CAP2: variants seen among roughly 807,000 people sequenced by gnomAD.
CAP2 encodes adenylyl cyclase-associated protein 2.
A neutral mutation model predicts 57.7 loss-of-function variants in CAP2; 24 were observed. The observed-to-expected ratio is 0.42, with a 90% CI of 0.30 to 0.58. The LOEUF (loss-of-function observed/expected upper bound fraction) is 0.58, where lower values mean the gene tolerates loss of function less well. Among genes scored for constraint, CAP2 ranks in the 20% least tolerant of loss-of-function variants. The probability of loss-of-function intolerance (pLI) is 0.22; values close to 1 mark genes in which losing one functional copy is unlikely to be tolerated. For missense variants in CAP2, 501 were observed against 590.3 expected (o/e 0.85, Z 1.57); for synonymous variants, 194 against 207.2 (o/e 0.94, Z 0.55).
chr6:17,451,653 G>A (rs1333140519), intron 3 of CAP2, among the ~76,000 whole-genome samples: 1 of 152,048 alleles, frequency 6.6e-6, no homozygotes, highest in African/African-American at 2.4e-5. Flanking sequence ...GGGATTACAG[G>A]AACCCGCCAC....
At chr6:17,466,009 G>A (rs935256917) in intron 4 of CAP2, among the ~76,000 whole-genome samples, 22 of 152,108 alleles carry the variant, frequency 1.4e-4, no homozygotes, top group South Asian at 2.1e-4. Context: ...TGGATCTGCC[G>A]TACAAGATCA....
intron 11 of CAP2, among the ~76,000 whole-genome samples, chr6:17,546,196 C>G (rs1029387106): frequency 1.3e-5 from 2 of 152,308 alleles, no homozygotes; most frequent in East Asian, 3.9e-4. Flanking sequence ...ACATCCTCTC[C>G]AGCACCTGTT....
chr6:17,458,043 G>T (rs998206441), intron 3 of CAP2, among the ~76,000 whole-genome samples: 1 of 152,164 alleles, frequency 6.6e-6, no homozygotes, highest in Admixed American at 6.5e-5. Context: ...GCTGTGCAAA[G>T]TTGTATTTTG....
chr6:17,400,151 G>A (rs185578764), intron 1 of CAP2, among the ~76,000 whole-genome samples: 159 of 152,132 alleles, frequency 1.0e-3, no homozygotes, highest in African/African-American at 3.6e-3. Context: ...GCTTGAACCC[G>A]GGAGGCGGAG....
chr6:17,544,625 A>T (rs1196969401), intron 11 of CAP2, among the ~76,000 whole-genome samples: 1 of 151,820 alleles, frequency 6.6e-6, no homozygotes, highest in East Asian at 1.9e-4. Flanking sequence ...ATCTCGGCAC[A>T]CTACAACCTG....
intron 3 of CAP2, among the ~76,000 whole-genome samples, chr6:17,458,561 G>A (rs1366628090): frequency 6.6e-6 from 1 of 152,124 alleles, no homozygotes; most frequent in Admixed American, 6.5e-5. Context: ...ACGTTAATAC[G>A]AAGTGGTTTG....
chr6:17,465,229 G>C (rs1301737101), intron 4 of CAP2, among the ~76,000 whole-genome samples: 2 of 151,958 alleles, frequency 1.3e-5, no homozygotes, highest in Non-Finnish European at 2.9e-5. Context: ...CTCTTGCTCT[G>C]TCACCAAGGC....
At chr6:17,402,284 T>G (rs550310648) in intron 1 of CAP2, among the ~76,000 whole-genome samples, 1 of 152,356 alleles carries the variant, frequency 6.6e-6, no homozygotes, top group African/African-American at 2.4e-5. Context: ...TCCATTTTAC[T>G]AAATGGTTTA....
intron 1 of CAP2, among the ~76,000 whole-genome samples, chr6:17,406,398 C>CTTTCTTTTTTTTTTT (rs1554119902): frequency 6.8e-5 from 7 of 102,474 alleles, no homozygotes; most frequent in Non-Finnish European, 7.1e-5. Flanking sequence ...GCCCAGATTT[C>CTTTCTTTTTTTTTTT]TTTTTTTTTT....
intron 6 of CAP2, among the ~76,000 whole-genome samples, chr6:17,511,153 C>T (rs1321081038): frequency 6.6e-6 from 1 of 152,106 alleles, no homozygotes; most frequent in Non-Finnish European, 1.5e-5. Flanking sequence ...AGTGCAAATG[C>T]ATTCGTTTTA....
At chr6:17,485,727 G>C (rs2113628326) in intron 4 of CAP2, among the ~76,000 whole-genome samples, 1 of 152,336 alleles carries the variant, frequency 6.6e-6, no homozygotes, top group Admixed American at 6.5e-5. Context: ...CCCCAGGCTT[G>C]GCTTCCTGCT....
chr6:17,507,831 A>T, intron 6 of CAP2, 105 bp downstream of exon 6: 1 of 658,080 alleles, frequency 1.5e-6, no homozygotes, highest in East Asian at 2.6e-5. Context: ...AAGGCTCTAC[A>T]CTAATGTACT....
At chr6:17,543,603 C>T (rs756431315) in intron 11 of CAP2, among the ~76,000 whole-genome samples, 3 of 125,828 alleles carry the variant, frequency 2.4e-5, no homozygotes, top group South Asian at 2.5e-4. Context: ...CCAGCCTGGG[C>T]GACAGAGCAA....
rs1012264177 is a variant in CAP2, at chr6:17,436,151, G to C, written c.222+9461G>C. Among the ~76,000 whole-genome samples the C allele has an allele frequency of 2.2e-5, 3 of 133,494 alleles. No individual in the cohort carries two copies. The Admixed American group carries it at 2.4e-4, about 11-fold the overall frequency. 87.6% of individuals were successfully genotyped at this position (133,494 alleles called of 152,430 possible). On this transcript the variant is annotated intron_variant, in intron 3 of 12. Transcript: ENST00000229922. Reference sequence around the variant, plus strand: ...CTTCCTTCCTTCCTTTCTTGATAGAGTCTCACTCTGTCACCCAGGCTGGAG... The same window carrying C: ...CTTCCTTCCTTCCTTTCTTGATAGACTCTCACTCTGTCACCCAGGCTGGAG...
chr6:17,471,558 C>A (rs2113609453), intron 4 of CAP2, among the ~76,000 whole-genome samples: 1 of 152,264 alleles, frequency 6.6e-6, no homozygotes, highest in South Asian at 2.1e-4. Context: ...TTAGGCCGGG[C>A]ACGGTGGCTC....
intron 3 of CAP2, among the ~76,000 whole-genome samples, chr6:17,447,696 C>T (rs566611005): frequency 1.3e-5 from 2 of 152,338 alleles, no homozygotes; most frequent in South Asian, 2.1e-4. Flanking sequence ...CTGGGTTTCA[C>T]CATGTTGGCC....
intron 3 of CAP2, among the ~76,000 whole-genome samples, chr6:17,449,922 G>T (rs1760360171): frequency 6.6e-6 from 1 of 152,176 alleles, no homozygotes; most frequent in South Asian, 2.1e-4. Flanking sequence ...AATGGTGCAT[G>T]ATTTGAATGC....
rs571101954 is a variant in CAP2, at chr6:17,502,526, A to G, written c.301-4643A>G. On this transcript the variant is annotated intron_variant, in intron 4 of 12. Coordinates refer to ENST00000229922, the MANE Select transcript of CAP2 (RefSeq NM_006366.3). ...GTCAACATTGCTTTTTTTTTTAATGATGACAATTCTTCACATAATTGCCAA... is the reference window on the plus strand; with the variant it reads ...GTCAACATTGCTTTTTTTTTTAATGGTGACAATTCTTCACATAATTGCCAA... Among the ~76,000 whole-genome samples the G allele has an allele frequency of 2.6e-5, 4 of 152,124 alleles. No individual in the cohort carries two copies. The South Asian group carries it at 8.3e-4, about 32-fold the overall frequency.
chr6:17,510,446 C>T (rs934742500), intron 6 of CAP2, among the ~76,000 whole-genome samples: 2 of 152,208 alleles, frequency 1.3e-5, no homozygotes, highest in African/African-American at 2.4e-5. Context: ...GACAGAACGC[C>T]GAATTCCAGG....
Sources: allele counts gnomAD v4.1 joint callset (sites outside exome capture counted in the v4.1 genomes callset), GRCh38; gene constraint gnomAD v4.1.1; transcripts MANE v1.5; gene names NCBI Gene and HGNC (gene_info 2026-07-23, HGNC 2026-07-21).